DNAH6: variants seen among roughly 807,000 people sequenced by gnomAD.
DNAH6 encodes dynein axonemal heavy chain 6, also known as axonemal beta dynein heavy chain 6.
A neutral mutation model predicts 491.4 loss-of-function variants in DNAH6; 340 were observed. The observed-to-expected ratio is 0.69, with a 90% CI of 0.63 to 0.76. The LOEUF (loss-of-function observed/expected upper bound fraction) is 0.76, where lower values mean the gene tolerates loss of function less well. Among genes scored for constraint, DNAH6 ranks in the 30% least tolerant of loss-of-function variants. The pLI, the probability that DNAH6 is intolerant of heterozygous loss-of-function variation, is 0.00. For missense variants in DNAH6, 4,443 were observed against 4,972.2 expected (o/e 0.89, Z 3.20); for synonymous variants, 1,603 against 1,686.1 (o/e 0.95, Z 1.21).
chr2:84,669,083 A>G (rs2104656394), intron 37 of DNAH6, among the ~76,000 whole-genome samples: 1 of 152,310 alleles, frequency 6.6e-6, no homozygotes, highest in South Asian at 2.1e-4. Context: ...TAATCGGTAT[A>G]ACAGATATTT....
At chr2:84,526,274 T>G (rs1676597447) in intron 3 of DNAH6, among the ~76,000 whole-genome samples, 1 of 152,018 alleles carries the variant, frequency 6.6e-6, no homozygotes, top group Non-Finnish European at 1.5e-5. Context: ...ATACCTACAG[T>G]AAAGATACCA....
At chr2:84,635,744 A>T (rs528101374) in intron 30 of DNAH6, among the ~76,000 whole-genome samples, 1 of 152,252 alleles carries the variant, frequency 6.6e-6, no homozygotes, top group South Asian at 2.1e-4. Context: ...GGTGGGGTAT[A>T]CTGTTTAGAA....
chr2:84,486,430 G>T, the DNAH6 span, among the ~76,000 whole-genome samples: 3 of 152,166 alleles, frequency 2.0e-5, no homozygotes, highest in Non-Finnish European at 4.4e-5. Flanking sequence ...CCTGCAGACT[G>T]CCTGCCTGAC....
At chr2:84,522,060 C>T (rs1351400528) in intron 2 of DNAH6, among the ~76,000 whole-genome samples, 1 of 151,942 alleles carries the variant, frequency 6.6e-6, no homozygotes, top group East Asian at 1.9e-4. Context: ...AATTGCTTTG[C>T]ACAGTATGGC....
chr2:84,495,860 G>T, the DNAH6 span, among the ~76,000 whole-genome samples: 1 of 152,138 alleles, frequency 6.6e-6, no homozygotes, highest in Non-Finnish European at 1.5e-5. Flanking sequence ...AGAGGTGATT[G>T]GTCACAGACT....
At position 84,541,709 on chromosome 2, in the gene DNAH6, A is replaced by AG. The variant is rs1491309556; in HGVS notation, c.663-2519dup. 2.6e-5 allele frequency among the ~76,000 whole-genome samples: 4 copies of AG among 152,114 alleles called. No individual in the cohort carries two copies. In the East Asian group the frequency reaches 7.8e-4, roughly 30 times the overall value. On this transcript the variant is annotated intron_variant, in intron 4 of 76. Coordinates refer to ENST00000389394, the MANE Select transcript of DNAH6 (RefSeq NM_001370.2). ...GGAGGAAAGCATGAGAGAAACAATCAGGGGGAAAAAACATGGTATGTTGAA... is the reference window on the plus strand; with the variant it reads ...GGAGGAAAGCATGAGAGAAACAATCAGGGGGGAAAAAACATGGTATGTTGAA...
intron 61 of DNAH6, 45 bp from the exon 62 acceptor site, chr2:84,733,399 G>A (rs958420117): frequency 9.2e-6 from 14 of 1,524,488 alleles, no homozygotes; most frequent in African/African-American, 4.1e-5. Flanking sequence ...AGTATATTTT[G>A]TGATTGCCTT....
chr2:84,813,230 G>A lies in DNAH6; in HGVS notation c.11998+100G>A, dbSNP rs915385371. 6 of 854,422 alleles carry A rather than the reference G, an allele frequency of 7.0e-6. No individual in the cohort carries two copies. The African/African-American group carries it at 8.4e-5, about 12-fold the overall frequency. 52.9% of individuals were successfully genotyped at this position (854,422 alleles called of 1,614,324 possible). The stretch of plus-strand genomic sequence containing the variant: ...AAATGACATGGCTGCTAATGCTCTA[G>A]CAATGAGGCTATTGATCATAGGGCA... On this transcript the variant is annotated intron_variant, in intron 74 of 76. Coordinates refer to ENST00000389394, the MANE Select transcript of DNAH6 (RefSeq NM_001370.2).
At chr2:84,581,395 C>CT (rs148727020) in intron 14 of DNAH6, among the ~76,000 whole-genome samples, 4,374 of 152,226 alleles carry the variant, frequency 0.029, 231 homozygotes, top group African/African-American at 0.1. Context: ...GTGAGCATCA[C>CT]TTAGCGTGGT....
intron 16 of DNAH6, among the ~76,000 whole-genome samples, chr2:84,591,074 G>A (rs1218710028): frequency 2.0e-5 from 3 of 152,178 alleles, no homozygotes; most frequent in Admixed American, 6.5e-5. Context: ...CTGGACAGGG[G>A]AAGATTTGAA....
At chr2:84,616,537 T>C (rs539982736) in intron 22 of DNAH6, among the ~76,000 whole-genome samples, 258 of 152,240 alleles carry the variant, frequency 1.7e-3, no homozygotes, top group Non-Finnish European at 2.4e-3. Context: ...TCCATTTGCA[T>C]GGAATATCTT....
chr2:84,569,580 G>T (rs939100314), intron 11 of DNAH6, among the ~76,000 whole-genome samples: 2 of 152,098 alleles, frequency 1.3e-5, no homozygotes, highest in African/African-American at 4.8e-5. Flanking sequence ...ACACTAAATG[G>T]ATGGGGGAAA....
chr2:84,775,807 T>C (rs1179947544), intron 64 of DNAH6, among the ~76,000 whole-genome samples: 2 of 152,168 alleles, frequency 1.3e-5, no homozygotes, highest in Non-Finnish European at 2.9e-5. Flanking sequence ...CATAGAGTTA[T>C]TAATAATAGT....
chr2:84,552,060 A>C (rs1572992989), intron 9 of DNAH6, among the ~76,000 whole-genome samples: 1 of 152,208 alleles, frequency 6.6e-6, no homozygotes, highest in Middle Eastern at 3.4e-3. Flanking sequence ...AAAAAAAAAA[A>C]AAAAAAAGAA....
chr2:84,638,256 C>A (rs1270988087), intron 31 of DNAH6, among the ~76,000 whole-genome samples: 1 of 152,018 alleles, frequency 6.6e-6, no homozygotes, highest in Non-Finnish European at 1.5e-5. Context: ...AGCAATCCTC[C>A]CACCTCAGCC....
chr2:84,472,938 C>G, the DNAH6 span, among the ~76,000 whole-genome samples: 1 of 152,156 alleles, frequency 6.6e-6, no homozygotes, highest in Non-Finnish European at 1.5e-5. Context: ...TAGGCTGAAT[C>G]GGAAACAATG....
intron 18 of DNAH6, among the ~76,000 whole-genome samples, chr2:84,602,094 T>C (rs1685303992): frequency 2.2e-5 from 1 of 46,496 alleles, no homozygotes. Context: ...TTTTACTGTT[T>C]TTGCTCCAGA....
intron 4 of DNAH6, among the ~76,000 whole-genome samples, chr2:84,535,954 T>A (rs1438375721): frequency 7.2e-5 from 11 of 151,990 alleles, no homozygotes; most frequent in Admixed American, 7.2e-4. Flanking sequence ...TTCTTAAAAA[T>A]GTTTGTTACA....
At chr2:84,709,684 T>A in intron 55 of DNAH6, 138 bp downstream of exon 55, 1 of 971,976 alleles carries the variant, frequency 1.0e-6, no homozygotes, top group Non-Finnish European at 1.5e-6. Flanking sequence ...TAGAAGAGAG[T>A]GTTAAAGTCC....
Sources: allele counts gnomAD v4.1 joint callset (sites outside exome capture counted in the v4.1 genomes callset), GRCh38; gene constraint gnomAD v4.1.1; transcripts MANE v1.5; gene names NCBI Gene and HGNC (gene_info 2026-07-23, HGNC 2026-07-21).